Variants in TPCN1 observed in about 807,000 individuals in gnomAD.
The protein encoded by TPCN1 is two pore segment channel 1.
In TPCN1, 52 loss-of-function variants were observed where a neutral mutation model predicts 108.8. The ratio of observed to expected loss-of-function variants is 0.48; its 90% confidence interval spans 0.38 to 0.60. The LOEUF is 0.60. Among genes scored for constraint, TPCN1 ranks in the 20% least tolerant of loss-of-function variants. TPCN1 has a pLI of 0.00. For missense variants in TPCN1, 806 were observed against 1,072.8 expected (o/e 0.75, Z 3.47); for synonymous variants, 446 against 433.7 (o/e 1.03, Z -0.35).
At chr12:113,245,893 A>G (rs749117522) in intron 2 of TPCN1, 3 of 452,218 alleles carry the variant, frequency 6.6e-6, no homozygotes, top group Non-Finnish European at 1.3e-5. Flanking sequence ...AACTGTTTCT[A>G]TTTATCTGGC....
At chr12:113,277,545 A>C (rs1955718289) in intron 12 of TPCN1, among the ~76,000 whole-genome samples, 181 bp downstream of exon 12, 1 of 152,200 alleles carries the variant, frequency 6.6e-6, no homozygotes, top group Non-Finnish European at 1.5e-5. Context: ...TTTGCAAGTG[A>C]CAAAAGTCCA....
In TPCN1 at chr12:113,296,016, T is replaced by TGCAGCCC. The variant is rs777390154; in HGVS notation, c.2392_2398dup (p.Pro800ArgfsTer32). 6.2e-7 allele frequency: 1 copy of TGCAGCCC among 1,612,986 alleles called. No individual in the cohort carries two copies. Among genetic ancestry groups the TGCAGCCC allele is most frequent in the South Asian group, 1.1e-5 (1 of 91,028 alleles). On this transcript the variant is annotated frameshift_variant, in exon 28 of 28. Coordinates refer to ENST00000335509, the MANE Select transcript of TPCN1 (RefSeq NM_017901.6). LOFTEE classifies it high-confidence loss of function. ...AGCAGCAGCGACAACTCAGCAGCAGTGCAGCCCCCGCCGCCCAGCAGCCCC... is the reference window on the plus strand; with the variant it reads ...AGCAGCAGCGACAACTCAGCAGCAGTGCAGCCCGCAGCCCCCGCCGCCCAGCAGCCCC...
At chr12:113,285,020 C>T (rs972183806) in intron 17 of TPCN1, among the ~76,000 whole-genome samples, 1 of 152,214 alleles carries the variant, frequency 6.6e-6, no homozygotes, top group Non-Finnish European at 1.5e-5. Flanking sequence ...TTGCCAGCGC[C>T]GTGTCCCCCG....
intron 2 of TPCN1, among the ~76,000 whole-genome samples, chr12:113,229,505 T>C (rs537991895): frequency 6.6e-6 from 1 of 152,350 alleles, no homozygotes; most frequent in African/African-American, 2.4e-5. Flanking sequence ...CAGTCCTTTT[T>C]TTTGAGACAG....
rs1955763669 is a variant in TPCN1, at chr12:113,278,847, T to G, written c.1297+12T>G. 6.2e-7 allele frequency: 1 copy of G among 1,613,332 alleles called. No homozygotes were observed. The highest frequency in any genetic ancestry group is 1.3e-5 in the African/African-American group (1 of 74,828). On this transcript the variant is annotated intron_variant, in intron 14 of 27. Transcript: ENST00000335509. ...CCTCATCTTCAAAGGTAAGTGGGCT[T>G]GAGTATGGCAGGTGTTGGCAGCTGG...
In TPCN1 at chr12:113,273,479, C is replaced by A; in HGVS notation, c.843-90C>A. The A allele has an allele frequency of 7.6e-7, 1 of 1,312,254 alleles. No homozygotes were observed. Among genetic ancestry groups the A allele is most frequent in the Non-Finnish European group, 1.1e-6 (1 of 906,260 alleles). 81.3% of individuals were successfully genotyped at this position (1,312,254 alleles called of 1,614,324 possible). ...GAACCAGGGTTGGAGGCTGGGAAGGCAGACAAGGAGCTGTCCTCTGCAAGG... is the reference window on the plus strand; with the variant it reads ...GAACCAGGGTTGGAGGCTGGGAAGGAAGACAAGGAGCTGTCCTCTGCAAGG... On this transcript the variant is annotated intron_variant, in intron 9 of 27. Transcript: ENST00000335509. The surrounding 1 kb of genome is among the most constrained non-coding windows in gnomAD (Gnocchi z 4.0).
intron 19 of TPCN1, among the ~76,000 whole-genome samples, 165 bp from the exon 20 acceptor site, chr12:113,287,998 G>T (rs1956140752): frequency 6.6e-6 from 1 of 152,210 alleles, no homozygotes; most frequent in African/African-American, 2.4e-5. Flanking sequence ...AATCACCTGA[G>T]CCCAGCTCAG....
intron 27 of TPCN1, 57 bp downstream of exon 27, chr12:113,293,406 G>C: frequency 6.6e-7 from 1 of 1,504,908 alleles, no homozygotes. Context: ...CCTGGGAGGG[G>C]CAGGGAGCTG....
rs1282238011 is a variant in TPCN1 at position 113,267,941 on chromosome 12, G to A, written c.513G>A (p.Lys171=). Residue 171 remains lysine (K), a synonymous_variant, in exon 5 of 28, where the codon AAG becomes AAA. Coordinates refer to ENST00000335509, the MANE Select transcript of TPCN1 (RefSeq NM_017901.6). ...GCCTCCACACCTTCATCCGGCACAA[G>A]CGGACCATGGTCAAGGTGATGTGTC... ...WLGLHTFIRH[K]RTMVKTSVLV... 1.9e-6 allele frequency: 3 copies of A among 1,613,098 alleles called. No homozygotes were observed. In the South Asian group the frequency reaches 3.3e-5, roughly 18 times the overall value.
chr12:113,236,171 G>A (rs1169039892), intron 2 of TPCN1, among the ~76,000 whole-genome samples: 1 of 152,180 alleles, frequency 6.6e-6, no homozygotes, highest in African/African-American at 2.4e-5. Flanking sequence ...AGAGCAGTTG[G>A]CAATGATGGC....
At chr12:113,290,877 G>A (rs1956244542) in intron 22 of TPCN1, 75 bp from the exon 23 acceptor site, 1 of 1,416,298 alleles carries the variant, frequency 7.1e-7, no homozygotes, top group Non-Finnish European at 1.0e-6. Context: ...CCCAGGATAG[G>A]TGGCAAGAGG....
Position 113,288,936 on chromosome 12 carries a change from G to A in TPCN1, c.1796+89G>A. 7.6e-7 allele frequency: 1 copy of A among 1,322,870 alleles called. No individual in the cohort carries two copies. Among genetic ancestry groups the A allele is most frequent in the East Asian group, 2.3e-5 (1 of 43,538 alleles). The allele number at this position is 1,322,870 out of a possible 1,614,324, so 81.9% of individuals were successfully genotyped here. On this transcript the variant is annotated intron_variant, in intron 21 of 27. Transcript: ENST00000335509. This position sits in a 1 kb window ranked among gnomAD's most constrained non-coding sequence, Gnocchi z 4.8. ...AGGATTGGTGTCCTTGTGGCCTTGGGGTCCTCGGGGATGTTCCTGTCTAAG... is the reference window on the plus strand; with the variant it reads ...AGGATTGGTGTCCTTGTGGCCTTGGAGTCCTCGGGGATGTTCCTGTCTAAG...
Position 113,296,060 on chromosome 12 carries a change from C to T in TPCN1, c.2435C>T (p.Ser812Phe), listed in dbSNP as rs1336318374. ...AQQPPGSRQR[S>F]QTVT is the part of the protein sequence containing the mutation. ...CAGCCCCCAGGCAGCCGCCAGCGCT[C>T]CCAGACCGTTACCTAGCCCAGCGCC... Residue 812 changes from serine (S) to phenylalanine (F), a missense_variant, in exon 28 of 28, where the codon TCC becomes TTC. By Grantham distance (155) the Ser-to-Phe change is radical (BLOSUM62 -2). Coordinates refer to ENST00000335509, the MANE Select transcript of TPCN1 (RefSeq NM_017901.6). 1.2e-6 allele frequency: 2 copies of T among 1,613,042 alleles called. No homozygotes were observed. Among genetic ancestry groups the T allele is most frequent in the African/African-American group, 2.7e-5 (2 of 74,938 alleles).
chr12:113,258,397 CAG>C (rs1285629312), intron 2 of TPCN1, among the ~76,000 whole-genome samples: 1 of 152,006 alleles, frequency 6.6e-6, no homozygotes, highest in Non-Finnish European at 1.5e-5. Context: ...ACCTCGGAAG[CAG>C]AGGTTACAGT....
rs1348145319 is a variant in TPCN1 at position 113,288,304 on chromosome 12, C to T, written c.1706+70C>T. 6.2e-6 allele frequency: 10 copies of T among 1,605,772 alleles called. No homozygotes were observed. The highest frequency in any genetic ancestry group is 3.3e-4 in the Middle Eastern group (2 of 6,032). On this transcript the variant is annotated intron_variant, in intron 20 of 27. Coordinates refer to ENST00000335509, the MANE Select transcript of TPCN1 (RefSeq NM_017901.6). This position sits in a 1 kb window ranked among gnomAD's most constrained non-coding sequence, Gnocchi z 4.8. ...GGCAGTGCCCCGTGGGGGCGGGAGC[C>T]GAGTGGCAGTCGGGGGAAAGGAGTT...
At chr12:113,225,680 G>C (rs1444153477) in intron 1 of TPCN1, among the ~76,000 whole-genome samples, 2 of 152,082 alleles carry the variant, frequency 1.3e-5, no homozygotes, top group East Asian at 3.9e-4. Flanking sequence ...TCAGCTTCTT[G>C]AGTAGCTGGG....
At position 113,232,746 on chromosome 12, in the gene TPCN1, G is replaced by C. The variant is rs1475195923; in HGVS notation, c.112+5782G>C. Among the ~76,000 whole-genome samples, 1 of 152,222 alleles carries C rather than the reference G, an allele frequency of 6.6e-6. No homozygotes were observed. The highest frequency in any genetic ancestry group is 2.4e-5 in the African/African-American group (1 of 41,458). On this transcript the variant is annotated intron_variant, in intron 2 of 27. Transcript: ENST00000335509. The surrounding 1 kb of genome is among the most constrained non-coding windows in gnomAD (Gnocchi z 5.6). Reference sequence around the variant, plus strand: ...AGTGAGAGCATGTGTGTGATCACATGGTCAGTGCTCAGCCGGTCATAGGCA... The same window carrying C: ...AGTGAGAGCATGTGTGTGATCACATCGTCAGTGCTCAGCCGGTCATAGGCA...
intron 3 of TPCN1, among the ~76,000 whole-genome samples, chr12:113,264,376 C>T (rs1164931847): frequency 6.6e-6 from 1 of 152,154 alleles, no homozygotes; most frequent in Non-Finnish European, 1.5e-5. Flanking sequence ...GGGCCTTTCC[C>T]AGAATAAGTT....
intron 2 of TPCN1, among the ~76,000 whole-genome samples, chr12:113,246,743 G>C (rs1272029426): frequency 1.3e-5 from 2 of 152,204 alleles, no homozygotes; most frequent in Non-Finnish European, 2.9e-5. Context: ...TGCCTTTCCA[G>C]CTGGCCTGGA....
Sources: gnomAD v4.1 joint callset for allele counts (sites outside exome capture counted in the v4.1 genomes callset) on GRCh38, gnomAD v4.1.1 for gene constraint, Gnocchi (gnomAD v3.1) non-coding constraint, MANE v1.5 for transcripts, NCBI Gene and HGNC (gene_info 2026-07-23, HGNC 2026-07-21) for gene names.